The following KCNU1 variants were observed in gnomAD, a reference collection of about 807,000 sequenced individuals.
KCNU1 encodes the protein potassium channel subfamily U member 1.
A neutral mutation model predicts 126.8 loss-of-function variants in KCNU1; 93 were observed. The observed-to-expected ratio is 0.73, with a 90% CI of 0.62 to 0.87. KCNU1 has a LOEUF of 0.87. Among genes scored for constraint, KCNU1 ranks in the 40% least tolerant of loss-of-function variants. The pLI is 0.00. For synonymous variants in KCNU1, 523 were observed against 494.2 expected (o/e 1.06, Z -0.77); for missense variants, 1,330 against 1,367.1 (o/e 0.97, Z 0.43).
chr8:36,879,950 A>G (rs1806412545), intron 19 of KCNU1, among the ~76,000 whole-genome samples: 1 of 152,210 alleles, frequency 6.6e-6, no homozygotes, highest in African/African-American at 2.4e-5. Flanking sequence ...GACAAACATA[A>G]CAATAAATGC....
In KCNU1 at chr8:36,933,202, G is replaced by A. The variant is rs559976293; in HGVS notation, c.3044+170G>A. The stretch of plus-strand genomic sequence containing the variant: ...TAAGGAGGGATTGGTATAAACAAGG[G>A]GGACCTGAATAATTAGGGTCCTATT... On this transcript the variant is annotated intron_variant, in intron 26 of 26. Coordinates refer to ENST00000399881, the MANE Select transcript of KCNU1 (RefSeq NM_001031836.3). Among the ~76,000 whole-genome samples, 15 of 152,114 alleles carry A rather than the reference G, an allele frequency of 9.9e-5. No homozygotes were observed. In the East Asian group the frequency reaches 2.5e-3, roughly 26 times the overall value.
At chr8:36,803,135 C>A (rs576787779) in intron 2 of KCNU1, among the ~76,000 whole-genome samples, 1 of 152,184 alleles carries the variant, frequency 6.6e-6, no homozygotes, top group South Asian at 2.1e-4. Context: ...CAGAGGTAGC[C>A]TAGTCAGCAG....
At position 36,806,288 on chromosome 8, in the gene KCNU1, A is replaced by C; in HGVS notation, c.488A>C (p.Lys163Thr). 6.2e-7 allele frequency: 1 copy of C among 1,609,300 alleles called. No homozygotes were observed. Among genetic ancestry groups the C allele is most frequent in the Non-Finnish European group, 8.5e-7 (1 of 1,177,558 alleles). Residue 163 changes from lysine to threonine, a missense_variant, in exon 5 of 27, where the codon AAG (lysine) becomes ACG (threonine). Lys to Thr is a moderately conservative substitution (Grantham distance 78, BLOSUM62 -1). Around this residue, in one of 3 missense-constraint regions of KCNU1, gnomAD observed 247 missense variants for 255.4 expected, o/e 0.97. Transcript: ENST00000399881. ...TCATAGTTTATGGCAGCTGATGACA[A>C]GATCAAGTTCTGGCTGGAGATGAAT... ...FGLRFMAADD[K>T]IKFWLEMNSI... is the part of the protein sequence containing the mutation.
intron 5 of KCNU1, among the ~76,000 whole-genome samples, chr8:36,806,783 T>C (rs2130423531): frequency 6.6e-6 from 1 of 152,372 alleles, no homozygotes; most frequent in East Asian, 1.9e-4. Flanking sequence ...AGTTGTTTTG[T>C]CTTTAAGGTG....
chr8:36,790,235 A>G (rs1047469726), intron 2 of KCNU1, among the ~76,000 whole-genome samples: 1 of 152,208 alleles, frequency 6.6e-6, no homozygotes, highest in Non-Finnish European at 1.5e-5. Context: ...AGAAGATATA[A>G]CATCATTAAC....
At chr8:36,906,774 C>G (rs1311462721) in intron 20 of KCNU1, among the ~76,000 whole-genome samples, 1 of 152,106 alleles carries the variant, frequency 6.6e-6, no homozygotes, top group African/African-American at 2.4e-5. Context: ...ATCATTTGAT[C>G]AGAAACACGA....
chr8:36,897,272 A>G (rs1028712029), intron 19 of KCNU1, among the ~76,000 whole-genome samples: 2 of 151,632 alleles, frequency 1.3e-5, no homozygotes, highest in African/African-American at 4.8e-5. Context: ...CTCTCCCTCT[A>G]TTGTAGAAAA....
Position 36,864,394 on chromosome 8 carries a change from C to G in KCNU1, c.1892-10C>G. ...TGTGCCAACTCACTGAGATTTCTAT[C>G]CTATTGCAGTGCCATCGGTAAAGAG... On this transcript the variant is annotated splice_polypyrimidine_tract_variant and intron_variant, in intron 18 of 26. Coordinates refer to ENST00000399881, the MANE Select transcript of KCNU1 (RefSeq NM_001031836.3). 5 of 1,466,870 alleles carry G rather than the reference C, an allele frequency of 3.4e-6. No homozygotes were observed. The highest frequency in any genetic ancestry group is 4.8e-6 in the Non-Finnish European group (5 of 1,046,158). The allele number at this position is 1,466,870 out of a possible 1,614,324, so 90.9% of individuals were successfully genotyped here. A position where few individuals can be genotyped will look rare whatever the true frequency, so the allele number is the denominator to read the frequency against.
chr8:36,784,560 A>G lies in KCNU1; in HGVS notation c.150A>G (p.Arg50=). Residue 50 remains arginine (R), a synonymous_variant, in exon 1 of 27, where the codon AGA becomes AGG. Coordinates refer to ENST00000399881, the MANE Select transcript of KCNU1 (RefSeq NM_001031836.3). The part of the protein sequence containing the change: ...IILLIFRLIW[R]SVKKWQIIKG... Reference sequence around the variant, plus strand: ...TGTTGATCTTCAGGCTGATCTGGAGATCTGTTAAAAAATGGCAAATCATCA... The same window carrying G: ...TGTTGATCTTCAGGCTGATCTGGAGGTCTGTTAAAAAATGGCAAATCATCA... The G allele has an allele frequency of 6.2e-7, 1 of 1,613,612 alleles. No homozygotes were observed. Among genetic ancestry groups the G allele is most frequent in the Non-Finnish European group, 8.5e-7 (1 of 1,179,744 alleles).
intron 19 of KCNU1, among the ~76,000 whole-genome samples, chr8:36,868,445 T>C (rs773785766): frequency 1.2e-4 from 19 of 152,288 alleles, no homozygotes; most frequent in East Asian, 7.7e-4. Context: ...AATAGTCTTA[T>C]ATTCACAAAC....
intron 10 of KCNU1, among the ~76,000 whole-genome samples, chr8:36,831,077 G>A (rs920011046): frequency 4.0e-5 from 6 of 151,826 alleles, no homozygotes; most frequent in African/African-American, 7.3e-5. Context: ...GTCCCTACAA[G>A]GGACATGAAC....
intron 1 of KCNU1, among the ~76,000 whole-genome samples, chr8:36,785,221 A>C (rs1802672160): frequency 6.6e-6 from 1 of 152,190 alleles, no homozygotes; most frequent in Non-Finnish European, 1.5e-5. Flanking sequence ...ATGAGAATAA[A>C]TGATGTATTA....
At chr8:36,881,788 A>G (rs1312935615) in intron 19 of KCNU1, among the ~76,000 whole-genome samples, 1 of 132,620 alleles carries the variant, frequency 7.5e-6, no homozygotes, top group African/African-American at 2.9e-5. Flanking sequence ...TTGCTGGGAA[A>G]AGTCAAATCA....
intron 24 of KCNU1, among the ~76,000 whole-genome samples, chr8:36,930,395 A>C (rs1002448426): frequency 2.6e-5 from 4 of 152,130 alleles, no homozygotes; most frequent in Admixed American, 1.3e-4. Flanking sequence ...AACACCTATA[A>C]TTTCTAAAGT....
intron 24 of KCNU1, 57 bp downstream of exon 24, chr8:36,922,686 CAGGTAGTATA>C (rs1808401512): frequency 6.4e-7 from 1 of 1,562,924 alleles, no homozygotes; most frequent in Non-Finnish European, 8.7e-7. Context: ...GAGAAGTGAA[CAGGTAGTATA>C]AGGCTGAGTA....
At chr8:36,808,974 A>C (rs1198993424) in intron 7 of KCNU1, among the ~76,000 whole-genome samples, 181 bp downstream of exon 7, 1 of 152,094 alleles carries the variant, frequency 6.6e-6, no homozygotes, top group African/African-American at 2.4e-5. Flanking sequence ...TGCATCTCCT[A>C]CAATCAAGGT....
intron 7 of KCNU1, among the ~76,000 whole-genome samples, 198 bp from the exon 8 acceptor site, chr8:36,814,009 G>A (rs1727593342): frequency 1.3e-5 from 2 of 152,056 alleles, no homozygotes; most frequent in African/African-American, 4.8e-5. Flanking sequence ...TCACGATTAA[G>A]GAAACCAAGA....
In KCNU1 at chr8:36,809,725, G is replaced by C. The variant is rs557618030; in HGVS notation, c.732+932G>C. On this transcript the variant is annotated intron_variant, in intron 7 of 26. Transcript: ENST00000399881. ...CCCACCAGGGGATAAGCAGACATTA[G>C]TGTCCCTGTAGAAACCTCGTGGCCA... Among the ~76,000 whole-genome samples, 10 of 152,242 alleles carry C rather than the reference G, an allele frequency of 6.6e-5. No homozygotes were observed. The East Asian group carries it at 1.9e-3, about 30-fold the overall frequency.
intron 18 of KCNU1, among the ~76,000 whole-genome samples, chr8:36,859,767 T>C (rs79263792): frequency 0.027 from 4,179 of 152,302 alleles, 196 homozygotes; most frequent in African/African-American, 0.095. Flanking sequence ...ACTGTGTGAC[T>C]TTAGGCAAAT....
Sources: gnomAD v4.1 joint callset for allele counts (sites outside exome capture counted in the v4.1 genomes callset) on GRCh38, gnomAD v4.1.1 for gene constraint, gnomAD v4.1.1 regional missense constraint, MANE v1.5 for transcripts, NCBI Gene and HGNC (gene_info 2026-07-23, HGNC 2026-07-21) for gene names.